CASR: variants seen among roughly 807,000 people sequenced by gnomAD.
CASR encodes extracellular calcium-sensing receptor.
Under a neutral mutation model 69.1 loss-of-function variants are expected in CASR, and 23 were observed. The ratio of observed to expected loss-of-function variants is 0.33; its 90% CI spans 0.24 to 0.47. CASR has a LOEUF of 0.47. Ranked by LOEUF, CASR falls within the 20% of genes least tolerant of loss-of-function variation. The pLI is 1.00. For missense variants in CASR, 924 were observed against 1,356.1 expected, an observed-to-expected ratio of 0.68 and a Z score of 5.00; for synonymous variants, 541 against 544.7, an observed-to-expected ratio of 0.99 and a Z score of 0.10.
At chr3:122,201,005 AT>A (rs869055799) in intron 1 of CASR, among the ~76,000 whole-genome samples, 7 of 102,816 alleles carry the variant, frequency 6.8e-5, no homozygotes, top group South Asian at 6.2e-4. Flanking sequence ...TTTTTTTTTT[AT>A]TTTTTTTTTT....
intron 1 of CASR, among the ~76,000 whole-genome samples, chr3:122,252,408 A>AAAAAG (rs2074499685): frequency 1.2e-5 from 1 of 85,020 alleles, no homozygotes; most frequent in African/African-American, 5.2e-5. Flanking sequence ...GGAAGGAAGG[A>AAAAAG]AAAAGAAAGA....
Position 122,283,937 on chromosome 3 carries a change from C to T in CASR, c.1983C>T (p.Cys661=). The T allele has an allele frequency of 1.2e-6, 2 of 1,613,664 alleles. No individual in the cohort carries two copies. The highest frequency in any genetic ancestry group is 2.2e-5 in the South Asian group (2 of 91,070). Residue 661 remains cysteine, a synonymous_variant, in exon 7 of 7, where the codon TGC becomes TGT. Coordinates refer to ENST00000639785, the MANE Select transcript of CASR (RefSeq NM_000388.4). ...SYLLLFSLLC[C]FSSSLFFIGE... is the part of the protein sequence containing the mutation. ...TCCTCCTCTTCTCCCTGCTCTGCTG[C>T]TTCTCCAGCTCCCTGTTCTTCATCG...
rs769243052 is a variant in CASR at position 122,257,063 on chromosome 3, ACTT to A, written c.186-11_186-9del. On this transcript the variant is annotated splice_polypyrimidine_tract_variant and intron_variant, in intron 2 of 6. Transcript: ENST00000639785. ...ACTAGAAAGCTTCCCATTTTCTTCC[ACTT>A]CTTCTTTCTTCCAGGTATAATTTCC... is the stretch of plus-strand genomic sequence containing the variant. 8.7e-6 allele frequency: 14 copies of A among 1,611,404 alleles called. No homozygotes were observed. The highest frequency in any genetic ancestry group is 3.3e-5 in the Admixed American group (2 of 59,996).
At chr3:122,251,096 G>A (rs375864207) in intron 1 of CASR, among the ~76,000 whole-genome samples, 20 of 152,194 alleles carry the variant, frequency 1.3e-4, no homozygotes, top group African/African-American at 4.8e-4. Flanking sequence ...GAGACTCCAT[G>A]AAAATTGAGC....
chr3:122,282,871 G>C (rs750678780), intron 6 of CASR, among the ~76,000 whole-genome samples: 13 of 152,234 alleles, frequency 8.5e-5, no homozygotes, highest in Admixed American at 2.0e-4. Context: ...CTGAGGCTCT[G>C]AGAGGTTAAG....
chr3:122,282,059 T>C (rs2074894958), intron 5 of CASR, 54 bp from the exon 6 acceptor site: 4 of 1,613,732 alleles, frequency 2.5e-6, no homozygotes, highest in Non-Finnish European at 3.4e-6. Context: ...ACAGTAGGGC[T>C]GGCCCCTGAC....
intron 1 of CASR, among the ~76,000 whole-genome samples, chr3:122,226,095 G>A (rs1293074384): frequency 6.6e-6 from 1 of 152,232 alleles, no homozygotes; most frequent in East Asian, 1.9e-4. Flanking sequence ...TGGGGGGGTA[G>A]TGTGTCTGGA....
At chr3:122,209,551 C>T (rs2107594277) in intron 1 of CASR, among the ~76,000 whole-genome samples, 1 of 152,268 alleles carries the variant, frequency 6.6e-6, no homozygotes, top group South Asian at 2.1e-4. Context: ...CTTATGAAGC[C>T]ATCGTATCTC....
At chr3:122,190,561 T>A (rs904895386) in intron 1 of CASR, among the ~76,000 whole-genome samples, 1 of 152,204 alleles carries the variant, frequency 6.6e-6, no homozygotes, top group East Asian at 1.9e-4. Context: ...ACTACTTACC[T>A]CTTTGGTTGT....
At chr3:122,227,400 G>A (rs1401629194) in intron 1 of CASR, among the ~76,000 whole-genome samples, 1 of 152,220 alleles carries the variant, frequency 6.6e-6, no homozygotes, top group African/African-American at 2.4e-5. Flanking sequence ...GAGAAGTCGA[G>A]CACAGCAGCT....
intron 1 of CASR, among the ~76,000 whole-genome samples, chr3:122,241,483 G>A (rs1042900593): frequency 3.3e-5 from 5 of 152,074 alleles, no homozygotes; most frequent in Admixed American, 6.5e-5. Context: ...GAACCAACAG[G>A]AAATCCAGAA....
chr3:122,222,284 G>C (rs1247190223), intron 1 of CASR, among the ~76,000 whole-genome samples: 1 of 152,132 alleles, frequency 6.6e-6, no homozygotes. Flanking sequence ...TTAATAGCCT[G>C]TGTACTCTGG....
At chr3:122,202,636 T>C (rs1190884300) in intron 1 of CASR, among the ~76,000 whole-genome samples, 1 of 152,238 alleles carries the variant, frequency 6.6e-6, no homozygotes, top group Non-Finnish European at 1.5e-5. Context: ...ATTTCACTTT[T>C]AGGTTGTTTT....
intron 1 of CASR, among the ~76,000 whole-genome samples, chr3:122,184,808 G>A (rs781770848): frequency 6.6e-6 from 1 of 152,254 alleles, no homozygotes; most frequent in Non-Finnish European, 1.5e-5. Flanking sequence ...GCCTGCTGTT[G>A]GTAGTTTCTT....
At position 122,287,583 on chromosome 3, in the gene CASR, C is replaced by G. The variant is rs2074980856; in HGVS notation, c.*2392C>G. 6.6e-6 allele frequency: 1 copy of G among 152,246 alleles called. No individual in the cohort carries two copies. Among genetic ancestry groups the G allele is most frequent in the South Asian group, 2.1e-4 (1 of 4,828 alleles). The allele number at this position is 152,246 out of a possible 1,614,324, so 9.4% of individuals were successfully genotyped here. ...ATTCAGAGGTTGTTCCTTCTCCCTT[C>G]CAGGAGGGCTTTTGTAATGTTGGGG... On this transcript the variant is annotated 3_prime_UTR_variant, in exon 7 of 7. Transcript: ENST00000639785.
chr3:122,267,936 T>C (rs913277187), intron 4 of CASR, among the ~76,000 whole-genome samples: 1 of 152,200 alleles, frequency 6.6e-6, no homozygotes, highest in Non-Finnish European at 1.5e-5. Flanking sequence ...AATATGTCCA[T>C]TTTCTCAACC....
At chr3:122,278,541 G>A (rs11922857) in intron 5 of CASR, among the ~76,000 whole-genome samples, 41,707 of 152,134 alleles carry the variant, frequency 0.27, 6,467 homozygotes, top group Non-Finnish European at 0.36. Context: ...GCCAGAATTG[G>A]ACAGGCATCT....
chr3:122,218,170 G>A (rs918439478), intron 1 of CASR, among the ~76,000 whole-genome samples: 1 of 152,072 alleles, frequency 6.6e-6, no homozygotes, highest in Non-Finnish European at 1.5e-5. Context: ...GTAGGAGGCT[G>A]TAACAGCAGG....
chr3:122,265,531 G>A (rs2074683041), intron 4 of CASR, among the ~76,000 whole-genome samples: 1 of 152,164 alleles, frequency 6.6e-6, no homozygotes, highest in South Asian at 2.1e-4. Context: ...GCCTGTCGCT[G>A]GAATATTCAT....
Sources: allele counts gnomAD v4.1 joint callset (sites outside exome capture counted in the v4.1 genomes callset), GRCh38; gene constraint gnomAD v4.1.1; transcripts MANE v1.5; gene names NCBI Gene and HGNC (gene_info 2026-07-23, HGNC 2026-07-21).